The following GPATCH1 variants were observed in gnomAD, a reference collection of about 807,000 sequenced individuals.
GPATCH1 encodes the protein G-patch domain containing 1, also known as G patch domain-containing protein 1.
Under a neutral mutation model 114.9 loss-of-function variants are expected in GPATCH1, and 73 were observed. The observed-to-expected ratio is 0.64, with a 90% confidence interval of 0.53 to 0.77. GPATCH1 has a LOEUF of 0.77. GPATCH1 is among the 30% of genes least tolerant of loss of function. The pLI, the probability that GPATCH1 is intolerant of heterozygous loss-of-function variation, is 0.00. For synonymous variants in GPATCH1, 391 were observed against 428.4 expected (o/e 0.91, Z 1.08); for missense variants, 1,058 against 1,144.3 (o/e 0.92, Z 1.09).
Position 33,095,820 on chromosome 19 carries a change from G to A in GPATCH1, c.612G>A (p.Glu204=). The A allele has an allele frequency of 6.3e-7, 1 of 1,597,514 alleles. No homozygotes were observed. The highest frequency in any genetic ancestry group is 8.6e-7 in the Non-Finnish European group (1 of 1,165,386). The change falls in exon 6 of 20, where the codon GAG becomes GAA. Residue 204 remains glutamate, a splice_region_variant and synonymous_variant. Transcript: ENST00000170564. The stretch of plus-strand genomic sequence containing the variant: ...CCCCTGGAAGCTCGGAAGGATCTGA[G>A]GTATTGCATGGTGTGACTGACCTTC... ...ALPPGSSEGS[E]GEDDDYLPDN...
intron 2 of GPATCH1, among the ~76,000 whole-genome samples, chr19:33,089,621 T>TA (rs34203124): frequency 1.4e-4 from 8 of 57,596 alleles, no homozygotes; most frequent in Admixed American, 7.5e-4. Context: ...TCTTTTATAA[T>TA]TTTTTTTTTT....
At chr19:33,125,760 T>C (rs752419812) in intron 18 of GPATCH1, among the ~76,000 whole-genome samples, 17 of 152,190 alleles carry the variant, frequency 1.1e-4, no homozygotes, top group Non-Finnish European at 2.4e-4. Context: ...TATTAAATAA[T>C]AAAACAATTT....
In GPATCH1 at chr19:33,111,716, C is replaced by G; in HGVS notation, c.1586-8C>G. On this transcript the variant is annotated splice_polypyrimidine_tract_variant and splice_region_variant and intron_variant, in intron 11 of 19. Coordinates refer to ENST00000170564, the MANE Select transcript of GPATCH1 (RefSeq NM_018025.3). ...AGTGAAGCTGCTTCTTGTTCTCTGC[C>G]CCCGCAGATGCTCTGGAACGCTGTC... 6.2e-7 allele frequency: 1 copy of G among 1,612,642 alleles called. No homozygotes were observed. The highest frequency in any genetic ancestry group is 2.2e-5 in the East Asian group (1 of 44,866).
Position 33,130,518 on chromosome 19 carries a change from C to A in GPATCH1, c.*358C>A, listed in dbSNP as rs901868187. 2 of 180,106 alleles carry A rather than the reference C, an allele frequency of 1.1e-5. No individual in the cohort carries two copies. Among genetic ancestry groups the A allele is most frequent in the Non-Finnish European group, 2.3e-5 (2 of 87,074 alleles). 11.2% of individuals were successfully genotyped at this position (180,106 alleles called of 1,614,324 possible). A position where few individuals can be genotyped will look rare whatever the true frequency, so the allele number is the denominator to read the frequency against. On this transcript the variant is annotated 3_prime_UTR_variant, in exon 20 of 20. Transcript: ENST00000170564. ...CAGCCTGGACTCACTGAAGGACAAG[C>A]GTGTGAGAAGGGGCGGTTGCGGCCC...
chr19:33,093,295 C>T, intron 3 of GPATCH1, 64 bp from the exon 4 acceptor site: 1 of 1,025,354 alleles, frequency 9.8e-7, no homozygotes, highest in Non-Finnish European at 1.4e-6. Context: ...AGAAATAAAA[C>T]TATGTGATGT....
At position 33,102,638 on chromosome 19, in the gene GPATCH1, G is replaced by A. The variant is rs193242329; in HGVS notation, c.1080+1064G>A. Among the ~76,000 whole-genome samples the A allele has an allele frequency of 3.1e-3, 471 of 151,926 alleles. 4 individuals carry two copies. The highest frequency in any genetic ancestry group is 0.011 in the African/African-American group (443 of 41,470). Reference sequence around the variant, plus strand: ...TCTTGAACTCCTGACCTTGTGATCCGCCTGCCTCAGCCTCCCAAAGTGCTG... The same window carrying A: ...TCTTGAACTCCTGACCTTGTGATCCACCTGCCTCAGCCTCCCAAAGTGCTG... On this transcript the variant is annotated intron_variant, in intron 9 of 19. Coordinates refer to ENST00000170564, the MANE Select transcript of GPATCH1 (RefSeq NM_018025.3).
intron 8 of GPATCH1, among the ~76,000 whole-genome samples, 193 bp downstream of exon 8, chr19:33,098,095 A>C (rs969992734): frequency 1.3e-5 from 2 of 152,260 alleles, no homozygotes; most frequent in African/African-American, 4.8e-5. Flanking sequence ...GGCCAAAGCC[A>C]GCTGTCAAGG....
In GPATCH1 at chr19:33,094,171, G is replaced by C. The variant is rs1253258688; in HGVS notation, c.456-1G>C. On this transcript the variant is annotated splice_acceptor_variant, in intron 4 of 19. Coordinates refer to ENST00000170564, the MANE Select transcript of GPATCH1 (RefSeq NM_018025.3). LOFTEE classifies it high-confidence loss of function. ...TCATTTTCAATGCCTTGCTATCCTA[G>C]ATTATCTGTTGGTTTCGAATTGCTA... 1 of 1,519,194 alleles carries C rather than the reference G, an allele frequency of 6.6e-7. No homozygotes were observed. The highest frequency in any genetic ancestry group is 9.1e-7 in the Non-Finnish European group (1 of 1,093,502). The allele number at this position is 1,519,194 out of a possible 1,614,324, so 94.1% of individuals were successfully genotyped here.
intron 9 of GPATCH1, among the ~76,000 whole-genome samples, chr19:33,104,114 G>C (rs1972756689): frequency 6.6e-6 from 1 of 151,722 alleles, no homozygotes; most frequent in African/African-American, 2.4e-5. Flanking sequence ...CAGATCGCTA[G>C]AGTCCAGGAG....
chr19:33,088,743 G>A (rs554546781), intron 2 of GPATCH1, among the ~76,000 whole-genome samples: 12 of 142,390 alleles, frequency 8.4e-5, no homozygotes, highest in Admixed American at 1.5e-4. Flanking sequence ...TGCAACCTCC[G>A]CCTCCCGGGT....
At chr19:33,100,693 C>G (rs1972716360) in intron 8 of GPATCH1, among the ~76,000 whole-genome samples, 1 of 150,980 alleles carries the variant, frequency 6.6e-6, no homozygotes, top group African/African-American at 2.4e-5. Context: ...GGCTAAAAGC[C>G]TTAGCTCATC....
chr19:33,085,558 G>C lies in GPATCH1; in HGVS notation c.74-2576G>C, dbSNP rs552058514. The stretch of plus-strand genomic sequence containing the variant: ...GTAACCATTAGCCAACCAGGGGCTC[G>C]TTGAAATTTTGGTCAGGGAATGAGA... On this transcript the variant is annotated intron_variant, in intron 1 of 19. Transcript: ENST00000170564. 3.5e-4 allele frequency among the ~76,000 whole-genome samples: 53 copies of C among 152,206 alleles called. No homozygotes were observed. In the South Asian group the frequency reaches 9.3e-3, roughly 27 times the overall value.
At chr19:33,125,971 A>T (rs1568352115) in intron 18 of GPATCH1, among the ~76,000 whole-genome samples, 1 of 152,054 alleles carries the variant, frequency 6.6e-6, no homozygotes. Context: ...ACAGGCTTTT[A>T]ATTAGGTTAA....
At chr19:33,103,328 G>C (rs1180739727) in intron 9 of GPATCH1, among the ~76,000 whole-genome samples, 2 of 152,098 alleles carry the variant, frequency 1.3e-5, no homozygotes, top group South Asian at 2.1e-4. Context: ...GGACAGTGTC[G>C]GGCATACAGT....
At chr19:33,127,574 G>T (rs1031529256) in intron 19 of GPATCH1, among the ~76,000 whole-genome samples, 1 of 151,092 alleles carries the variant, frequency 6.6e-6, no homozygotes, top group Non-Finnish European at 1.5e-5. Context: ...ATGCTTAAAG[G>T]AGCCCTGACT....
At chr19:33,106,532 G>A (rs1972786522) in intron 9 of GPATCH1, among the ~76,000 whole-genome samples, 163 bp from the exon 10 acceptor site, 1 of 152,154 alleles carries the variant, frequency 6.6e-6, no homozygotes, top group African/African-American at 2.4e-5. Flanking sequence ...CAGAGGGGAT[G>A]CTGGCTGGAC....
At position 33,125,212 on chromosome 19, in the gene GPATCH1, T is replaced by C. The variant is rs1239320400; in HGVS notation, c.2619+10T>C. The C allele has an allele frequency of 6.3e-7, 1 of 1,584,268 alleles. No individual in the cohort carries two copies. The highest frequency in any genetic ancestry group is 8.6e-7 in the Non-Finnish European group (1 of 1,165,734). On this transcript the variant is annotated intron_variant, in intron 18 of 19. Coordinates refer to ENST00000170564, the MANE Select transcript of GPATCH1 (RefSeq NM_018025.3). ...GCGGAAGAAAGAGAAGGTGAGAGACTTGTGTGTACCCCAGGATCAGTGTGG... is the reference window on the plus strand; with the variant it reads ...GCGGAAGAAAGAGAAGGTGAGAGACCTGTGTGTACCCCAGGATCAGTGTGG...
At chr19:33,095,986 C>T (rs1376285299) in intron 6 of GPATCH1, among the ~76,000 whole-genome samples, 166 bp downstream of exon 6, 2 of 152,208 alleles carry the variant, frequency 1.3e-5, no homozygotes, top group Admixed American at 1.3e-4. Context: ...TATTCAGCAA[C>T]ATGCCAGCAC....
Position 33,130,288 on chromosome 19 carries a change from C to A in GPATCH1, c.*128C>A, listed in dbSNP as rs1973090494. ...TCCTGCTGTAAAATAATTTTTAAAA[C>A]CTTGACATTTCAAAGACTGCCTTGA... On this transcript the variant is annotated 3_prime_UTR_variant, in exon 20 of 20. Coordinates refer to ENST00000170564, the MANE Select transcript of GPATCH1 (RefSeq NM_018025.3). 1 of 589,088 alleles carries A rather than the reference C, an allele frequency of 1.7e-6. No individual in the cohort carries two copies. The highest frequency in any genetic ancestry group is 3.0e-5 in the South Asian group (1 of 32,834). The allele number at this position is 589,088 out of a possible 1,614,324, so 36.5% of individuals were successfully genotyped here. A position where few individuals can be genotyped will look rare whatever the true frequency, so the allele number is the denominator to read the frequency against.
Sources: gnomAD v4.1 joint callset for allele counts (sites outside exome capture counted in the v4.1 genomes callset) on GRCh38, gnomAD v4.1.1 for gene constraint, MANE v1.5 for transcripts, NCBI Gene and HGNC (gene_info 2026-07-23, HGNC 2026-07-21) for gene names.